The following NRG1 variants were observed in gnomAD, a reference collection of about 807,000 sequenced individuals.
NRG1 encodes the protein pro-neuregulin-1, membrane-bound isoform.
NRG1 carries 18 observed loss-of-function variants against 63.8 expected under a neutral mutation model. The ratio of observed to expected loss-of-function variants is 0.28; its 90% CI spans 0.19 to 0.42. The LOEUF is 0.42. NRG1 is among the 10% of genes least tolerant of loss of function. The probability of loss-of-function intolerance (pLI) is 1.00; values close to 1 mark genes in which losing one functional copy is unlikely to be tolerated. For missense variants in NRG1, 762 were observed against 814.7 expected, an observed-to-expected ratio of 0.94 and a Z score of 0.79; for synonymous variants, 302 against 301.3, an observed-to-expected ratio of 1.00 and a Z score of -0.02.
At chr8:32,488,842 G>A (rs1826203188) in intron 1 of NRG1, among the ~76,000 whole-genome samples, 1 of 152,144 alleles carries the variant, frequency 6.6e-6, no homozygotes, top group Non-Finnish European at 1.5e-5. Flanking sequence ...GTAACGACAG[G>A]CACCTGGCCC....
intron 7 of NRG1, among the ~76,000 whole-genome samples, chr8:32,750,538 C>T (rs1294615376): frequency 6.6e-6 from 1 of 152,016 alleles, no homozygotes; most frequent in Non-Finnish European, 1.5e-5. Flanking sequence ...TGGTCCCCAT[C>T]CAGCTGGCTT....
chr8:32,758,400 A>G (rs1830046673), intron 9 of NRG1, among the ~76,000 whole-genome samples: 1 of 152,002 alleles, frequency 6.6e-6, no homozygotes, highest in Admixed American at 6.6e-5. Flanking sequence ...AACATGGTGA[A>G]ACCCCATCTC....
chr8:32,690,955 G>T (rs1307518651), intron 5 of NRG1, among the ~76,000 whole-genome samples: 1 of 150,890 alleles, frequency 6.6e-6, no homozygotes, highest in Admixed American at 6.6e-5. Flanking sequence ...GTGTGTGTGT[G>T]TGTGTGTGTG....
intron 1 of NRG1, among the ~76,000 whole-genome samples, chr8:32,330,119 G>A (rs1267267159): frequency 1.5e-5 from 2 of 130,928 alleles, no homozygotes; most frequent in East Asian, 2.7e-4. Context: ...TGCTAATGTT[G>A]AACTCCTGGC....
At chr8:31,870,590 G>C (rs1277597198) in intron 1 of NRG1, among the ~76,000 whole-genome samples, 1 of 152,002 alleles carries the variant, frequency 6.6e-6, no homozygotes, top group East Asian at 1.9e-4. Context: ...TAATTATGTA[G>C]GAAGGAATTT....
chr8:32,011,948 C>T (rs1331831139), intron 1 of NRG1, among the ~76,000 whole-genome samples: 1 of 152,064 alleles, frequency 6.6e-6, no homozygotes, highest in Non-Finnish European at 1.5e-5. Context: ...GTAAGGTTTC[C>T]AGTAAACAAA....
intron 1 of NRG1, among the ~76,000 whole-genome samples, chr8:32,284,456 G>A (rs760110057): frequency 1.1e-4 from 15 of 137,166 alleles, no homozygotes; most frequent in African/African-American, 3.5e-4. Context: ...ATTTTCACAC[G>A]TGCCAGAATA....
chr8:31,676,370 T>C (rs1161048890), intron 1 of NRG1, among the ~76,000 whole-genome samples: 1 of 152,196 alleles, frequency 6.6e-6, no homozygotes, highest in Non-Finnish European at 1.5e-5. Flanking sequence ...GGATGCTTCC[T>C]TCCTTTCTTC....
At chr8:32,247,621 A>G (rs1848709351) in intron 1 of NRG1, among the ~76,000 whole-genome samples, 1 of 152,116 alleles carries the variant, frequency 6.6e-6, no homozygotes, top group South Asian at 2.1e-4. Context: ...ACACTTTACT[A>G]GGATACGGTC....
At chr8:32,575,170 A>G (rs1839379147) in intron 1 of NRG1, among the ~76,000 whole-genome samples, 1 of 152,166 alleles carries the variant, frequency 6.6e-6, no homozygotes, top group Admixed American at 6.5e-5. Context: ...CTTAGTGTCC[A>G]TACTGGTTGG....
intron 4 of NRG1, 152 bp from the exon 5 acceptor site, chr8:32,616,683 A>G (rs1847426917): frequency 1.4e-6 from 1 of 696,530 alleles, no homozygotes; most frequent in Non-Finnish European, 2.6e-6. Flanking sequence ...GTCTTTGAGT[A>G]TTGCATTCTG....
intron 1 of NRG1, among the ~76,000 whole-genome samples, chr8:32,081,018 G>A (rs985090808): frequency 1.1e-4 from 16 of 152,132 alleles, no homozygotes; most frequent in African/African-American, 3.9e-4. Context: ...ATCTTCAACC[G>A]ATTGAATCAG....
chr8:32,656,844 AGCTTCCTCAG>A (rs1563874298), intron 5 of NRG1, among the ~76,000 whole-genome samples: 2 of 125,560 alleles, frequency 1.6e-5, no homozygotes, highest in Non-Finnish European at 3.5e-5. Context: ...TAAAATGGAA[AGCTTCCTCAG>A]GTAAAATATT....
At chr8:32,522,902 C>T (rs569364731) in intron 1 of NRG1, among the ~76,000 whole-genome samples, 1 of 151,620 alleles carries the variant, frequency 6.6e-6, no homozygotes, top group South Asian at 2.1e-4. Context: ...AACTCCTGGG[C>T]TCAGGTGATC....
intron 1 of NRG1, among the ~76,000 whole-genome samples, chr8:31,841,228 G>C (rs1826171588): frequency 6.6e-6 from 1 of 151,946 alleles, no homozygotes; most frequent in Non-Finnish European, 1.5e-5. Flanking sequence ...TTGTCATGGA[G>C]GTAGGAATGG....
chr8:32,352,756 C>A (rs901439600), intron 1 of NRG1, among the ~76,000 whole-genome samples: 24 of 152,062 alleles, frequency 1.6e-4, no homozygotes, highest in African/African-American at 5.8e-4. Context: ...TGGCATGCAC[C>A]TGTAGTCCCA....
At chr8:32,337,653 C>CAAAAAGAAAAAAAAAAAAAAAA (rs1803456518) in intron 1 of NRG1, among the ~76,000 whole-genome samples, 1 of 24,704 alleles carries the variant, frequency 4.0e-5, no homozygotes, top group Non-Finnish European at 7.4e-5. Context: ...AGAGTTATTG[C>CAAAAAGAAAAAAAAAAAAAAAA]AAAAAAAAAA....
At position 32,169,915 on chromosome 8, in the gene NRG1, C is replaced by A. The variant is rs200969757; in HGVS notation, c.38-425913C>A. Reference sequence around the variant, plus strand: ...GGGAATTAGTAAAGATGAGGTTATACTCAAGTAAAGTAGGTCCTTAATCCA... The same window carrying A: ...GGGAATTAGTAAAGATGAGGTTATAATCAAGTAAAGTAGGTCCTTAATCCA... On this transcript the variant is annotated intron_variant, in intron 1 of 10. Transcript: ENST00000519301. Among the ~76,000 whole-genome samples the A allele has an allele frequency of 4.6e-5, 7 of 152,148 alleles. No individual in the cohort carries two copies. The East Asian group carries it at 1.3e-3, about 29-fold the overall frequency.
At chr8:31,926,641 C>G (rs1346200352) in intron 1 of NRG1, among the ~76,000 whole-genome samples, 2 of 152,094 alleles carry the variant, frequency 1.3e-5, no homozygotes, top group African/African-American at 4.8e-5. Flanking sequence ...AAATTGTTCT[C>G]TCAGGCCCTT....
Sources: gnomAD v4.1 joint callset for allele counts (sites outside exome capture counted in the v4.1 genomes callset) on GRCh38, gnomAD v4.1.1 for gene constraint, MANE v1.5 for transcripts, NCBI Gene and HGNC (gene_info 2026-07-23, HGNC 2026-07-21) for gene names.